The following BCAR3 variants were observed in gnomAD, a reference collection of about 807,000 sequenced individuals.
The protein encoded by BCAR3 is breast cancer anti-estrogen resistance protein 3.
A neutral mutation model predicts 80.1 loss-of-function variants in BCAR3; 37 were observed. The observed-to-expected ratio is 0.46, with a 90% CI of 0.36 to 0.61. The LOEUF is 0.61. BCAR3 is among the 20% of genes least tolerant of loss of function. The probability of loss-of-function intolerance (pLI) is 0.00; values close to 1 mark genes in which losing one functional copy is unlikely to be tolerated. For synonymous variants in BCAR3, 389 were observed against 418.9 expected, an observed-to-expected ratio of 0.93 and a Z score of 0.87; for missense variants, 978 against 1,068.2, an observed-to-expected ratio of 0.92 and a Z score of 1.18.
At chr1:93,632,722 T>C (rs910992583) in intron 3 of BCAR3, among the ~76,000 whole-genome samples, 1 of 152,186 alleles carries the variant, frequency 6.6e-6, no homozygotes, top group Non-Finnish European at 1.5e-5. Flanking sequence ...AAACTGGAAC[T>C]TTATGTAATT....
At chr1:93,788,044 A>T (rs59984689) in intron 2 of BCAR3, among the ~76,000 whole-genome samples, 2,434 of 152,262 alleles carry the variant, frequency 0.016, 58 homozygotes, top group African/African-American at 0.056. Context: ...CTGTTGGACT[A>T]ATCCTTTTAT....
rs758877527 is a variant in BCAR3 at position 93,562,224 on chromosome 1, G to A, written c.*17C>T. On this transcript the variant is annotated 3_prime_UTR_variant, in exon 12 of 12. Transcript: ENST00000260502. ...GGGAAACTTGAAAAGATATTCTAAA[G>A]GTTCTCTGGAGAGTTATCAAAGCTC... The A allele has an allele frequency of 1.5e-5, 24 of 1,599,894 alleles. No homozygotes were observed. Among genetic ancestry groups the A allele is most frequent in the Admixed American group, 3.4e-5 (2 of 57,976 alleles).
intron 2 of BCAR3, among the ~76,000 whole-genome samples, chr1:93,671,567 A>AG (rs1291674757): frequency 6.6e-6 from 1 of 152,218 alleles, no homozygotes; most frequent in Non-Finnish European, 1.5e-5. Context: ...CACTACGAAA[A>AG]GAAAAAAAGA....
intron 2 of BCAR3, among the ~76,000 whole-genome samples, chr1:93,777,760 T>G (rs1026954332): frequency 6.6e-6 from 1 of 152,186 alleles, no homozygotes. Flanking sequence ...GGAATACTCC[T>G]ATAGAAAGAA....
At chr1:93,691,951 C>G (rs6704479) in intron 3 of BCAR3, among the ~76,000 whole-genome samples, 43,363 of 152,090 alleles carry the variant, frequency 0.29, 9,073 homozygotes, top group African/African-American at 0.6. Context: ...TAAAGCTGGA[C>G]TTGGTTACAC....
intron 2 of BCAR3, among the ~76,000 whole-genome samples, chr1:93,781,373 C>T (rs1652755470): frequency 6.6e-6 from 1 of 152,180 alleles, no homozygotes; most frequent in South Asian, 2.1e-4. Flanking sequence ...AATTTGCTGA[C>T]CCTCAGTGTG....
At chr1:93,623,547 G>A (rs1675373447) in intron 3 of BCAR3, among the ~76,000 whole-genome samples, 1 of 152,180 alleles carries the variant, frequency 6.6e-6, no homozygotes, top group Non-Finnish European at 1.5e-5. Context: ...GCCTAGAGCA[G>A]CCCACAGCCA....
At chr1:93,686,056 A>G (rs1293734454), upstream of BCAR3, among the ~76,000 whole-genome samples, 1 of 152,128 alleles carries the variant, frequency 6.6e-6, no homozygotes, top group African/African-American at 2.4e-5. Context: ...GATAATATTA[A>G]AAGGGGTGAC....
intron 2 of BCAR3, among the ~76,000 whole-genome samples, chr1:93,721,406 C>T (rs149522853): frequency 7.8e-4 from 119 of 152,312 alleles, no homozygotes; most frequent in African/African-American, 2.9e-3. Context: ...CCCTTAGGAT[C>T]TAACTCAAAT....
At chr1:93,659,685 T>C (rs1647559949) in intron 2 of BCAR3, among the ~76,000 whole-genome samples, 1 of 152,170 alleles carries the variant, frequency 6.6e-6, no homozygotes, top group African/African-American at 2.4e-5. Flanking sequence ...TCTAAGGTCT[T>C]GCCCAACTCA....
intron 2 of BCAR3, among the ~76,000 whole-genome samples, chr1:93,840,063 T>A (rs1654903123): frequency 6.6e-6 from 1 of 151,998 alleles, no homozygotes; most frequent in African/African-American, 2.4e-5. Context: ...CTAGGGAGTT[T>A]AAAAAAAATG....
At chr1:93,621,859 T>G (rs570511815) in intron 3 of BCAR3, among the ~76,000 whole-genome samples, 1 of 151,858 alleles carries the variant, frequency 6.6e-6, no homozygotes, top group East Asian at 1.9e-4. Context: ...AGAAGCCACA[T>G]TGGTTTTGTT....
At chr1:93,733,304 G>A (rs975249268) in intron 2 of BCAR3, among the ~76,000 whole-genome samples, 2 of 152,206 alleles carry the variant, frequency 1.3e-5, no homozygotes, top group East Asian at 1.9e-4. Flanking sequence ...AAGATGCCCC[G>A]GCTTACTTAG....
At chr1:93,785,170 A>G (rs1168533802) in intron 2 of BCAR3, among the ~76,000 whole-genome samples, 1 of 152,260 alleles carries the variant, frequency 6.6e-6, no homozygotes, top group Non-Finnish European at 1.5e-5. Context: ...GAGGATTAAA[A>G]AAGAAACCCC....
chr1:93,706,999 A>C (rs1649848258), intron 2 of BCAR3, among the ~76,000 whole-genome samples: 1 of 151,968 alleles, frequency 6.6e-6, no homozygotes, highest in Non-Finnish European at 1.5e-5. Flanking sequence ...ACATGGTGAA[A>C]CCCCGTCTCT....
At chr1:93,676,535 C>T (rs1274606704) in intron 1 of BCAR3, among the ~76,000 whole-genome samples, 1 of 152,228 alleles carries the variant, frequency 6.6e-6, no homozygotes, top group Non-Finnish European at 1.5e-5. Flanking sequence ...AAGGTCTGCT[C>T]ACAGTGGGTG....
At position 93,811,854 on chromosome 1, in the gene BCAR3, T is replaced by C. The variant is rs549546223; in HGVS notation, c.-63+33713A>G. Among the ~76,000 whole-genome samples, 76 of 152,332 alleles carry C rather than the reference T, an allele frequency of 5.0e-4. 1 individual carries two copies. Among genetic ancestry groups the C allele is most frequent in the Admixed American group, 4.2e-3 (65 of 15,302 alleles). ...GAGCCAACTGACATATTTTTGGAAT[T>C]TTACAAGCTAGTTGACATCATGTTG... On this transcript the variant is annotated intron_variant, in intron 2 of 13. Transcript: ENST00000370244.
chr1:93,779,689 G>T (rs1004535777), intron 2 of BCAR3, among the ~76,000 whole-genome samples: 1 of 152,194 alleles, frequency 6.6e-6, no homozygotes. Flanking sequence ...TAATTGCTTA[G>T]TGCGTAAGTT....
At chr1:93,656,187 G>A (rs1647368861) in intron 2 of BCAR3, among the ~76,000 whole-genome samples, 2 of 152,026 alleles carry the variant, frequency 1.3e-5, no homozygotes, top group Admixed American at 1.3e-4. Flanking sequence ...TAGTTTTATT[G>A]CAATGTGTCT....
Sources: allele counts gnomAD v4.1 joint callset (sites outside exome capture counted in the v4.1 genomes callset), GRCh38; gene constraint gnomAD v4.1.1; transcripts MANE v1.5; gene names NCBI Gene and HGNC (gene_info 2026-07-23, HGNC 2026-07-21).